Variants in NETO1 observed in about 807,000 individuals in gnomAD.
NETO1 encodes neuropilin and tolloid like 1, also known as neuropilin and tolloid-like protein 1.
NETO1 carries 26 observed loss-of-function variants against 61.3 expected under a neutral mutation model. That is an observed-to-expected ratio of 0.42 (90% CI 0.31 to 0.59). The LOEUF is 0.59. Among genes scored for constraint, NETO1 ranks in the 20% least tolerant of loss-of-function variants. The pLI is 0.12. For missense variants in NETO1, 531 were observed against 662.8 expected, an observed-to-expected ratio of 0.80 and a Z score of 2.18; for synonymous variants, 225 against 225.8, an observed-to-expected ratio of 1.00 and a Z score of 0.03.
intron 7 of NETO1, among the ~76,000 whole-genome samples, chr18:72,763,599 A>C (rs2071053164): frequency 6.6e-6 from 1 of 151,748 alleles, no homozygotes. Context: ...ACACACTCAC[A>C]AACACACACA....
chr18:72,843,440 A>T (rs553095099), intron 4 of NETO1, among the ~76,000 whole-genome samples: 12 of 152,344 alleles, frequency 7.9e-5, no homozygotes, highest in Admixed American at 2.0e-4. Flanking sequence ...AATCATCCTG[A>T]TAATAGAGAT....
chr18:72,797,138 A>G (rs910301504), intron 4 of NETO1, among the ~76,000 whole-genome samples: 5 of 152,108 alleles, frequency 3.3e-5, no homozygotes, highest in African/African-American at 1.2e-4. Flanking sequence ...TATATTCATA[A>G]TTAATACTCA....
intron 4 of NETO1, among the ~76,000 whole-genome samples, chr18:72,815,433 A>G (rs967345061): frequency 1.3e-5 from 2 of 152,174 alleles, no homozygotes; most frequent in Admixed American, 6.5e-5. Context: ...TAGAATATAT[A>G]CAGACCTACC....
At chr18:72,752,450 G>A (rs990752603) in intron 8 of NETO1, among the ~76,000 whole-genome samples, 2 of 152,174 alleles carry the variant, frequency 1.3e-5, no homozygotes, top group African/African-American at 4.8e-5. Context: ...CAAGGCGGTG[G>A]CCTCTGTGGT....
chr18:72,751,831 C>T (rs966550099), intron 8 of NETO1: 1 of 152,272 alleles, frequency 6.6e-6, no homozygotes, highest in African/African-American at 2.4e-5. Flanking sequence ...AGCATTATAG[C>T]TTCCCCTAAA....
At chr18:72,865,807 T>C (rs901765898) in intron 1 of NETO1, 2 of 1,029,806 alleles carry the variant, frequency 1.9e-6, no homozygotes, top group South Asian at 1.9e-5. Context: ...TATTGGAATG[T>C]TGCCTACAAA....
chr18:72,772,177 G>T (rs368535303), intron 7 of NETO1, among the ~76,000 whole-genome samples: 1,622 of 134,014 alleles, frequency 0.012, 24 homozygotes, highest in African/African-American at 0.038. Flanking sequence ...AATATGGCAG[G>T]CTGCTTCTTT....
At chr18:72,810,878 CTTAT>C (rs1032613761) in intron 4 of NETO1, among the ~76,000 whole-genome samples, 3 of 152,130 alleles carry the variant, frequency 2.0e-5, no homozygotes, top group Non-Finnish European at 2.9e-5. Context: ...ATGGGTTTTT[CTTAT>C]TTAGTTAGAG....
chr18:72,745,437 T>G lies in NETO1; in HGVS notation c.*2742A>C, dbSNP rs921640342. 3.3e-5 allele frequency: 5 copies of G among 152,226 alleles called. No homozygotes were observed. The highest frequency in any genetic ancestry group is 7.2e-5 in the African/African-American group (3 of 41,462). 9.4% of individuals were successfully genotyped at this position (152,226 alleles called of 1,614,324 possible). On this transcript the variant is annotated 3_prime_UTR_variant, in exon 11 of 11. Transcript: ENST00000327305. ...AATAAAATGAAAAAGAATAGCTTTA[T>G]GAAATTAACACAGCAGGCTAACTTA...
At chr18:72,743,062 A>G (rs1034230588), downstream of NETO1, among the ~76,000 whole-genome samples, 7 of 152,226 alleles carry the variant, frequency 4.6e-5, no homozygotes, top group African/African-American at 1.7e-4. Context: ...TACCTGTCAG[A>G]GGCTTCTACT....
At chr18:72,825,471 A>C (rs2073345007) in intron 4 of NETO1, among the ~76,000 whole-genome samples, 1 of 151,972 alleles carries the variant, frequency 6.6e-6, no homozygotes, top group South Asian at 2.1e-4. Flanking sequence ...AATTTTTATT[A>C]ATTCTTTTCA....
intron 4 of NETO1, chr18:72,834,246 A>G: frequency 1.4e-6 from 1 of 735,478 alleles, no homozygotes; most frequent in Non-Finnish European, 1.7e-6. Flanking sequence ...AGTTTTAACT[A>G]TCCTTAAAAT....
intron 4 of NETO1, among the ~76,000 whole-genome samples, chr18:72,821,001 A>T (rs72634470): frequency 0.056 from 8,496 of 152,128 alleles, 649 homozygotes; most frequent in East Asian, 0.35. Context: ...ACAAATAGGC[A>T]GACAGAAAAT....
intron 4 of NETO1, among the ~76,000 whole-genome samples, chr18:72,820,474 A>C (rs1343463618): frequency 6.6e-6 from 1 of 152,208 alleles, no homozygotes; most frequent in African/African-American, 2.4e-5. Context: ...CACCCCATTC[A>C]ATCTCCTGCT....
At chr18:72,742,976 C>T (rs1392279038), downstream of NETO1, among the ~76,000 whole-genome samples, 3 of 152,064 alleles carry the variant, frequency 2.0e-5, no homozygotes, top group South Asian at 2.1e-4. Context: ...ACAATCTGCC[C>T]GTTACTCTTT....
chr18:72,776,992 T>G (rs376969837), intron 7 of NETO1, among the ~76,000 whole-genome samples: 10 of 152,332 alleles, frequency 6.6e-5, no homozygotes, highest in African/African-American at 2.2e-4. Flanking sequence ...GCTGTAAATC[T>G]GTGAATGAAA....
intron 8 of NETO1, among the ~76,000 whole-genome samples, chr18:72,751,050 TACAC>T (rs764681364): frequency 2.9e-5 from 4 of 138,024 alleles, no homozygotes; most frequent in East Asian, 2.2e-4. Context: ...CATCTTAAAA[TACAC>T]ACACACACAC....
At chr18:72,748,942 A>G in intron 10 of NETO1, 72 bp downstream of exon 10, 2 of 943,680 alleles carry the variant, frequency 2.1e-6, no homozygotes, top group South Asian at 1.3e-5. Context: ...ACATTCCCTA[A>G]AAAACTACAA....
rs186713949 is a variant in NETO1 at position 72,791,591 on chromosome 18, G to A, written c.639+2526C>T. On this transcript the variant is annotated intron_variant, in intron 6 of 10. Transcript: ENST00000327305. Reference sequence around the variant, plus strand: ...AAATTCTGTAACAGACAGGTACATCGGTTATTGTTGCTCTGGGATTGTACA... The same window carrying A: ...AAATTCTGTAACAGACAGGTACATCAGTTATTGTTGCTCTGGGATTGTACA... 2.3e-3 allele frequency among the ~76,000 whole-genome samples: 352 copies of A among 152,216 alleles called. 2 individuals are homozygous for A. The highest frequency in any genetic ancestry group is 3.1e-3 in the Non-Finnish European group (214 of 68,016).
Sources: allele counts gnomAD v4.1 joint callset (sites outside exome capture counted in the v4.1 genomes callset), GRCh38; gene constraint gnomAD v4.1.1; transcripts MANE v1.5; gene names NCBI Gene and HGNC (gene_info 2026-07-23, HGNC 2026-07-21).